The following DPP10 variants were observed in gnomAD, a reference collection of about 807,000 sequenced individuals.
DPP10 encodes dipeptidyl peptidase like 10, also known as inactive dipeptidyl peptidase 10.
A neutral mutation model predicts 120.9 loss-of-function variants in DPP10; 33 were observed. The observed-to-expected ratio is 0.27, with a 90% CI of 0.21 to 0.37. The LOEUF is 0.37. DPP10 is among the 10% of genes least tolerant of loss of function. The pLI, the probability that DPP10 is intolerant of heterozygous loss-of-function variation, is 1.00. For synonymous variants in DPP10, 337 were observed against 326.1 expected (o/e 1.03, Z -0.36); for missense variants, 816 against 942.8 (o/e 0.87, Z 1.76).
intron 17 of DPP10, among the ~76,000 whole-genome samples, chr2:115,788,573 A>T (rs932997871): frequency 6.6e-6 from 1 of 152,248 alleles, no homozygotes; most frequent in Non-Finnish European, 1.5e-5. Flanking sequence ...TACAAATGCT[A>T]TAGATATTAG....
chr2:115,582,009 C>T (rs1262992824), intron 5 of DPP10, among the ~76,000 whole-genome samples: 1 of 152,096 alleles, frequency 6.6e-6, no homozygotes, highest in Non-Finnish European at 1.5e-5. Flanking sequence ...AGTTTTAGAG[C>T]AGGAGTGTAA....
intron 1 of DPP10, among the ~76,000 whole-genome samples, chr2:114,611,573 T>C (rs1693290780): frequency 6.6e-6 from 1 of 152,212 alleles, no homozygotes; most frequent in African/African-American, 2.4e-5. Context: ...CTAATTGTTT[T>C]GTTTTGTGTT....
chr2:115,819,821 C>T (rs1687627873), intron 21 of DPP10, among the ~76,000 whole-genome samples: 1 of 152,010 alleles, frequency 6.6e-6, no homozygotes. Context: ...TGGAGAAACC[C>T]CTGTCTCTAC....
At chr2:114,774,505 G>A (rs1681553571) in intron 1 of DPP10, among the ~76,000 whole-genome samples, 1 of 151,134 alleles carries the variant, frequency 6.6e-6, no homozygotes, top group Admixed American at 6.7e-5. Context: ...TTATTTTAAG[G>A]AAAGCAGATT....
intron 3 of DPP10, among the ~76,000 whole-genome samples, chr2:115,451,157 T>C (rs1335254783): frequency 6.6e-6 from 1 of 151,854 alleles, no homozygotes; most frequent in Non-Finnish European, 1.5e-5. Flanking sequence ...TTATTATTGC[T>C]TAAAAAATCT....
chr2:115,706,893 G>A (rs2092131789), intron 7 of DPP10, among the ~76,000 whole-genome samples: 1 of 151,948 alleles, frequency 6.6e-6, no homozygotes, highest in African/African-American at 2.4e-5. Context: ...GACTCTTCAT[G>A]TCAGAAATAA....
intron 1 of DPP10, among the ~76,000 whole-genome samples, chr2:115,288,900 C>G (rs2060520815): frequency 6.6e-6 from 1 of 152,140 alleles, no homozygotes; most frequent in Non-Finnish European, 1.5e-5. Context: ...AGGATGCTCT[C>G]TTTCCCTACT....
At chr2:115,133,789 T>C (rs1384374505) in intron 1 of DPP10, among the ~76,000 whole-genome samples, 1 of 152,206 alleles carries the variant, frequency 6.6e-6, no homozygotes, top group Non-Finnish European at 1.5e-5. Flanking sequence ...GCTTATCTAT[T>C]TGTGTTTTAA....
intron 1 of DPP10, among the ~76,000 whole-genome samples, chr2:114,748,397 T>A (rs1427117655): frequency 7.1e-6 from 1 of 141,290 alleles, no homozygotes; most frequent in African/African-American, 2.7e-5. Flanking sequence ...TTTATTTATT[T>A]ATTTTAAATT....
At chr2:114,590,011 T>C (rs959518353) in intron 1 of DPP10, among the ~76,000 whole-genome samples, 1 of 152,138 alleles carries the variant, frequency 6.6e-6, no homozygotes, top group Non-Finnish European at 1.5e-5. Context: ...TTCACTATCT[T>C]GTGAAAGACA....
At chr2:115,648,510 C>A (rs1467290429) in intron 5 of DPP10, among the ~76,000 whole-genome samples, 1 of 151,614 alleles carries the variant, frequency 6.6e-6, no homozygotes, top group Non-Finnish European at 1.5e-5. Context: ...TTCAAATAAT[C>A]ATCTCTTACC....
At chr2:114,506,015 C>T (rs1683626047) in intron 1 of DPP10, among the ~76,000 whole-genome samples, 1 of 152,192 alleles carries the variant, frequency 6.6e-6, no homozygotes, top group Non-Finnish European at 1.5e-5. Flanking sequence ...ATAGATAATA[C>T]AAATAATAGA....
At chr2:115,485,735 AG>A (rs781292789) in intron 3 of DPP10, among the ~76,000 whole-genome samples, 3 of 152,148 alleles carry the variant, frequency 2.0e-5, no homozygotes, top group Non-Finnish European at 2.9e-5. Context: ...TGTATGAATT[AG>A]TTTTCCAGAC....
At chr2:115,815,985 T>C (rs549914094) in intron 21 of DPP10, among the ~76,000 whole-genome samples, 67 of 151,790 alleles carry the variant, frequency 4.4e-4, no homozygotes, top group Non-Finnish European at 9.1e-4. Context: ...ACATATGTAA[T>C]TACATGCTTC....
chr2:114,755,748 T>G (rs1450530091), intron 1 of DPP10, among the ~76,000 whole-genome samples: 1 of 152,144 alleles, frequency 6.6e-6, no homozygotes, highest in South Asian at 2.1e-4. Flanking sequence ...AAAGAAGAAT[T>G]TAGCCTGTGA....
chr2:114,529,297 C>T (rs183182514), intron 1 of DPP10, among the ~76,000 whole-genome samples: 401 of 152,234 alleles, frequency 2.6e-3, no homozygotes, highest in African/African-American at 8.9e-3. Flanking sequence ...GCTGGACAAC[C>T]CACTATTTTT....
At chr2:115,804,415 C>A (rs1259597162) in intron 19 of DPP10, among the ~76,000 whole-genome samples, 2 of 152,192 alleles carry the variant, frequency 1.3e-5, no homozygotes, top group East Asian at 3.9e-4. Flanking sequence ...TCTTCTGAAC[C>A]CTTCCTCTCT....
intron 1 of DPP10, among the ~76,000 whole-genome samples, chr2:114,788,285 G>T (rs1682932251): frequency 6.6e-6 from 1 of 151,980 alleles, no homozygotes; most frequent in South Asian, 2.1e-4. Flanking sequence ...TTAATATCGA[G>T]AAATGCCATT....
intron 1 of DPP10, among the ~76,000 whole-genome samples, chr2:114,774,771 C>T (rs937249457): frequency 6.6e-6 from 1 of 151,232 alleles, no homozygotes; most frequent in African/African-American, 2.4e-5. Flanking sequence ...TAAAGCTTCA[C>T]AAGAATAAGG....
Sources: gnomAD v4.1 joint callset for allele counts (sites outside exome capture counted in the v4.1 genomes callset) on GRCh38, gnomAD v4.1.1 for gene constraint, MANE v1.5 for transcripts, NCBI Gene and HGNC (gene_info 2026-07-23, HGNC 2026-07-21) for gene names.